Variants in TMCC1 observed in about 807,000 individuals in gnomAD.
The protein encoded by TMCC1 is transmembrane and coiled-coil domains protein 1.
TMCC1 carries 15 observed loss-of-function variants against 52.4 expected under a neutral mutation model. The ratio of observed to expected loss-of-function variants is 0.29; its 90% CI spans 0.19 to 0.44. The LOEUF is 0.44. Ranked by LOEUF, TMCC1 falls within the 20% of genes least tolerant of loss-of-function variation. The probability of loss-of-function intolerance (pLI) is 1.00; values close to 1 mark genes in which losing one functional copy is unlikely to be tolerated. For synonymous variants in TMCC1, 279 were observed against 301.9 expected (o/e 0.92, Z 0.79); for missense variants, 503 against 806.0 (o/e 0.62, Z 4.55).
At chr3:129,781,213 A>G (rs574044012) in intron 4 of TMCC1, among the ~76,000 whole-genome samples, 106 of 151,792 alleles carry the variant, frequency 7.0e-4, no homozygotes, top group Non-Finnish European at 1.4e-3. Context: ...CCCATCAAAC[A>G]CCTCCATTCA....
intron 4 of TMCC1, among the ~76,000 whole-genome samples, chr3:129,674,987 G>A (rs1299920063): frequency 6.6e-6 from 1 of 152,026 alleles, no homozygotes; most frequent in African/African-American, 2.4e-5. Flanking sequence ...ACAGGCGCAC[G>A]CCACCACACC....
chr3:129,776,241 C>G (rs182949746), intron 4 of TMCC1, among the ~76,000 whole-genome samples: 1 of 152,170 alleles, frequency 6.6e-6, no homozygotes, highest in Non-Finnish European at 1.5e-5. Context: ...CATGTAAGTT[C>G]TATGAGAAGA....
At chr3:129,682,502 A>AG (rs2089073243) in intron 4 of TMCC1, among the ~76,000 whole-genome samples, 2 of 152,146 alleles carry the variant, frequency 1.3e-5, no homozygotes, top group African/African-American at 2.4e-5. Context: ...GCCCTTAAAA[A>AG]GCTCAGTCCC....
intron 5 of TMCC1, among the ~76,000 whole-genome samples, chr3:129,660,350 G>A (rs558666680): frequency 3.9e-5 from 6 of 152,102 alleles, no homozygotes; most frequent in South Asian, 2.1e-4. Context: ...ACGGGGTTTC[G>A]CCATGTTACC....
intron 4 of TMCC1, among the ~76,000 whole-genome samples, chr3:129,697,628 C>T (rs993632304): frequency 1.3e-5 from 2 of 152,160 alleles, no homozygotes; most frequent in Non-Finnish European, 2.9e-5. Flanking sequence ...CATCACCAGG[C>T]TGCAAATTTT....
intron 2 of TMCC1, among the ~76,000 whole-genome samples, chr3:129,873,535 C>G (rs963916996): frequency 6.6e-6 from 1 of 151,754 alleles, no homozygotes; most frequent in African/African-American, 2.4e-5. Flanking sequence ...TTTAAACTAC[C>G]CAGGCGTGGT....
At chr3:129,695,125 A>AAAAAT (rs2047313470) in intron 4 of TMCC1, among the ~76,000 whole-genome samples, 1 of 72,620 alleles carries the variant, frequency 1.4e-5, no homozygotes, top group African/African-American at 3.9e-5. Flanking sequence ...AAAAAAAAAA[A>AAAAAT]ATCATAATTA....
Position 129,817,814 on chromosome 3 carries a change from A to C in TMCC1, c.576+9989T>G, listed in dbSNP as rs2058177271. Among the ~76,000 whole-genome samples, 3 of 150,884 alleles carry C rather than the reference A, an allele frequency of 2.0e-5. No individual in the cohort carries two copies. The South Asian group carries it at 6.3e-4, about 32-fold the overall frequency. ...AGGTGTGCACCACCACACCCAGCTA[A>C]TTTTTTTTTCTTTTTTGAGATGGAG... is the stretch of plus-strand genomic sequence containing the variant. On this transcript the variant is annotated intron_variant, in intron 4 of 6. Coordinates refer to ENST00000393238, the MANE Select transcript of TMCC1 (RefSeq NM_001017395.5).
At chr3:129,683,329 T>C (rs1176513341) in intron 4 of TMCC1, among the ~76,000 whole-genome samples, 1 of 152,220 alleles carries the variant, frequency 6.6e-6, no homozygotes, top group Non-Finnish European at 1.5e-5. Flanking sequence ...TTGCTTTCCC[T>C]AGTGTCTAGT....
chr3:129,724,457 C>T (rs1160211666), intron 4 of TMCC1, among the ~76,000 whole-genome samples: 1 of 152,196 alleles, frequency 6.6e-6, no homozygotes, highest in Admixed American at 6.5e-5. Context: ...TTCCTGGGCA[C>T]TACGACCTAG....
intron 4 of TMCC1, among the ~76,000 whole-genome samples, chr3:129,685,028 A>G (rs184585555): frequency 6.6e-6 from 1 of 152,312 alleles, no homozygotes; most frequent in Non-Finnish European, 1.5e-5. Context: ...AATAAATGAC[A>G]CAGGTATGAC....
chr3:129,886,972 G>C (rs919900924), intron 1 of TMCC1, among the ~76,000 whole-genome samples: 6 of 151,852 alleles, frequency 4.0e-5, no homozygotes, highest in East Asian at 1.9e-4. Flanking sequence ...ACCCCAAAAG[G>C]CCAGGTATTA....
At chr3:129,792,511 C>T (rs1440567154) in intron 4 of TMCC1, among the ~76,000 whole-genome samples, 1 of 151,934 alleles carries the variant, frequency 6.6e-6, no homozygotes, top group South Asian at 2.1e-4. Flanking sequence ...CCACCATGCC[C>T]GGTTTATTTT....
intron 4 of TMCC1, among the ~76,000 whole-genome samples, chr3:129,726,783 G>A (rs2050120644): frequency 6.9e-6 from 1 of 144,488 alleles, no homozygotes; most frequent in African/African-American, 2.6e-5. Context: ...GGAGGCTGAG[G>A]CAGAACTGCT....
At chr3:129,857,513 C>T (rs1379446815) in intron 2 of TMCC1, 3 of 152,060 alleles carry the variant, frequency 2.0e-5, no homozygotes, top group Non-Finnish European at 4.4e-5. Context: ...TTTTATATAC[C>T]ACCTTGTATT....
At chr3:129,769,333 G>A (rs1238816710) in intron 4 of TMCC1, among the ~76,000 whole-genome samples, 2 of 152,144 alleles carry the variant, frequency 1.3e-5, no homozygotes, top group South Asian at 2.1e-4. Flanking sequence ...GGGTTCAAGC[G>A]ATTCTCATGC....
At chr3:129,678,108 C>T (rs777327209) in intron 4 of TMCC1, among the ~76,000 whole-genome samples, 3 of 151,972 alleles carry the variant, frequency 2.0e-5, no homozygotes, top group East Asian at 2.0e-4. Flanking sequence ...TTAGTGGAGG[C>T]GGGGTTTTGC....
At chr3:129,686,321 C>T (rs963593383) in intron 4 of TMCC1, among the ~76,000 whole-genome samples, 36 of 152,058 alleles carry the variant, frequency 2.4e-4, no homozygotes, top group Admixed American at 2.2e-3. Context: ...AGGCTGGTCT[C>T]GAACTCCCAA....
chr3:129,697,178 CTT>C (rs945337113), intron 4 of TMCC1, among the ~76,000 whole-genome samples: 2 of 152,242 alleles, frequency 1.3e-5, no homozygotes, highest in Non-Finnish European at 2.9e-5. Context: ...CTGCAGCAAA[CTT>C]TTGCCTGGAC....
Sources: allele counts gnomAD v4.1 joint callset (sites outside exome capture counted in the v4.1 genomes callset), GRCh38; gene constraint gnomAD v4.1.1; transcripts MANE v1.5; gene names NCBI Gene and HGNC (gene_info 2026-07-23, HGNC 2026-07-21).